FLII: variants seen among roughly 807,000 people sequenced by gnomAD.
FLII encodes the protein FLII actin remodeling protein, also known as protein flightless-1 homolog.
A neutral mutation model predicts 156.2 loss-of-function variants in FLII; 101 were observed. That is an observed-to-expected ratio of 0.65 (90% CI 0.55 to 0.76). The LOEUF is 0.76. Among genes scored for constraint, FLII ranks in the 30% least tolerant of loss-of-function variants. FLII has a pLI of 0.00. For synonymous variants in FLII, 767 were observed against 685.8 expected, an observed-to-expected ratio of 1.12 and a Z score of -1.85; for missense variants, 1,675 against 1,682.8, an observed-to-expected ratio of 1.00 and a Z score of 0.08.
intron 7 of FLII, 74 bp from the exon 8 acceptor site, chr17:18,253,793 C>G (rs2048338392): frequency 1.4e-6 from 2 of 1,388,770 alleles, no homozygotes; most frequent in Non-Finnish European, 1.9e-6. Flanking sequence ...TAGTGTGAAC[C>G]CCAGCTCTGC....
chr17:18,248,157 T>A (rs1376541228), intron 18 of FLII, 124 bp from the exon 19 acceptor site: 1 of 651,814 alleles, frequency 1.5e-6, no homozygotes, highest in African/African-American at 1.8e-5. Flanking sequence ...TGTTTCCCCC[T>A]CCCCTTCAAG....
rs115575382 is a variant in FLII, at chr17:18,258,494, C to T, written c.63+134G>A. The T allele has an allele frequency of 4.6e-3, 6,939 of 1,503,702 alleles. 292 individuals are homozygous for T. The African/African-American group carries it at 0.088, about 19-fold the overall frequency. 93.1% of individuals were successfully genotyped at this position (1,503,702 alleles called of 1,614,324 possible). A position where few individuals can be genotyped will look rare whatever the true frequency, so the allele number is the denominator to read the frequency against. On this transcript the variant is annotated intron_variant, in intron 1 of 29. Coordinates refer to ENST00000327031, the MANE Select transcript of FLII (RefSeq NM_002018.4). This position sits in a 1 kb window ranked among gnomAD's most constrained non-coding sequence, Gnocchi z 4.2. Reference sequence around the variant, plus strand: ...AGGTCCATTCCTGGCCAGGGGAGAGCCCCACCCCGCCCCGGCCGCAGTCCC... The same window carrying T: ...AGGTCCATTCCTGGCCAGGGGAGAGTCCCACCCCGCCCCGGCCGCAGTCCC...
intron 9 of FLII, 100 bp downstream of exon 9, chr17:18,253,201 A>G: frequency 1.6e-6 from 2 of 1,230,432 alleles, no homozygotes; most frequent in Non-Finnish European, 2.3e-6. Context: ...ACCCATCTTC[A>G]TTTTGTCTGA....
chr17:18,246,115 C>A, intron 25 of FLII, 47 bp downstream of exon 25: 2 of 1,614,116 alleles, frequency 1.2e-6, no homozygotes, highest in Non-Finnish European at 8.5e-7. Flanking sequence ...CCCCCAAACA[C>A]CCCACCCCTT....
At position 18,254,124 on chromosome 17, in the gene FLII, G is replaced by A. The variant is rs2048347887; in HGVS notation, c.634C>T (p.Gln212Ter). The change falls in exon 7 of 30, where the codon CAG becomes TAG. Residue 212 changes from glutamine (Q) to a stop codon, truncating the protein, a stop_gained. Transcript: ENST00000327031. LOFTEE classifies it high-confidence loss of function. ...TCCAGGCTGGTGGGCAGGTTGCTCT[G>A]GGTGCGCTGGGTGCTCCGCAGGTGC... ...TLHLRSTQRTQSNLPTSLEGL... is the reference protein window; with the variant it reads ...TLHLRSTQRT The A allele has an allele frequency of 6.2e-7, 1 of 1,611,748 alleles. No individual in the cohort carries two copies. The highest frequency in any genetic ancestry group is 8.5e-7 in the Non-Finnish European group (1 of 1,178,914).
At position 18,253,604 on chromosome 17, in the gene FLII, T is replaced by C. The variant is rs2048332069; in HGVS notation, c.795A>G (p.Ile265Met). 2.5e-6 allele frequency: 4 copies of C among 1,614,102 alleles called. No homozygotes were observed. The highest frequency in any genetic ancestry group is 1.3e-5 in the African/African-American group (1 of 75,048). ...GAGTTTCCACGTGCACCCACTGGTCTATGCACAGGGACAGCTCCGTGATCT... is the reference window on the plus strand; with the variant it reads ...GAGTTTCCACGTGCACCCACTGGTCCATGCACAGGGACAGCTCCGTGATCT... ...SNQITELSLC[I>M]DQWVHVETLN... is the part of the protein sequence containing the mutation. Residue 265 changes from isoleucine (I) to methionine (M), a missense_variant, in exon 8 of 30, where the codon ATA (isoleucine) becomes ATG (methionine). Coordinates refer to ENST00000327031, the MANE Select transcript of FLII (RefSeq NM_002018.4).
At chr17:18,250,815 C>A in intron 14 of FLII, 23 bp downstream of exon 14, 1 of 1,598,398 alleles carries the variant, frequency 6.3e-7, no homozygotes, top group Non-Finnish European at 8.6e-7. Flanking sequence ...CTCTGCCCAC[C>A]CCCAATTTTA....
At chr17:18,248,105 T>A in intron 18 of FLII, 72 bp from the exon 19 acceptor site, 1 of 1,071,932 alleles carries the variant, frequency 9.3e-7, no homozygotes, top group Non-Finnish European at 1.4e-6. Context: ...CCCTCTGCTC[T>A]GGAACCAGCC....
At chr17:18,247,392 G>A (rs979481236) in intron 20 of FLII, 35 bp from the exon 21 acceptor site, 9 of 1,560,258 alleles carry the variant, frequency 5.8e-6, no homozygotes, top group Non-Finnish European at 7.0e-6. Context: ...CATGAGGGGT[G>A]CGGCATGATT....
At position 18,246,413 on chromosome 17, in the gene FLII, A is replaced by G. The variant is rs2048055848; in HGVS notation, c.3101T>C (p.Phe1034Ser). 1.2e-6 allele frequency: 2 copies of G among 1,614,010 alleles called. No homozygotes were observed. Among genetic ancestry groups the G allele is most frequent in the African/African-American group, 2.7e-5 (2 of 75,008 alleles). Residue 1034 changes from phenylalanine (F) to serine (S), a missense_variant, in exon 24 of 30, where the codon TTC (phenylalanine) becomes TCC (serine). Coordinates refer to ENST00000327031, the MANE Select transcript of FLII (RefSeq NM_002018.4). Reference sequence around the variant, plus strand: ...CCGGTGGATGATGAACTTCCTCTTGAAATGGGACAGGAACTTGGGGTTCTC... The same window carrying G: ...CCGGTGGATGATGAACTTCCTCTTGGAATGGGACAGGAACTTGGGGTTCTC... ...QQENPKFLSH[F>S]KRKFIIHRGK...
rs1357113488 is a variant in FLII, at chr17:18,250,952, TG to T, written c.1661del (p.Thr554AsnfsTer101). ...TGGCAGAGCAAGCTTTCTTGTCGAG[TG>T]TGGCCTCCCCGCCAATCCAGTAGTA... ...EIYYWIGGEA[T>X]LDKKACSAIH... On this transcript the variant is annotated frameshift_variant, in exon 14 of 30. Transcript: ENST00000327031. LOFTEE classifies it high-confidence loss of function. 6.2e-7 allele frequency: 1 copy of T among 1,613,704 alleles called. No individual in the cohort carries two copies. The highest frequency in any genetic ancestry group is 1.7e-5 in the Admixed American group (1 of 60,006).
chr17:18,245,906 GTGCCCGCC>G lies in FLII; in HGVS notation c.3396+20_3396+27del, dbSNP rs201849922. 1,162 of 1,613,996 alleles carry G rather than the reference GTGCCCGCC, an allele frequency of 7.2e-4. 7 individuals are homozygous for G. In the East Asian group the frequency reaches 0.013, roughly 17 times the overall value. ...CCTGCCTGCCCTGGCTCCTCTGTGTGTGCCCGCCTGCCCGCCCGCCTCCTGACCTGCTT... is the reference window on the plus strand; with the variant it reads ...CCTGCCTGCCCTGGCTCCTCTGTGTGTGCCCGCCCGCCTCCTGACCTGCTT... On this transcript the variant is annotated intron_variant, in intron 26 of 29. Coordinates refer to ENST00000327031, the MANE Select transcript of FLII (RefSeq NM_002018.4).
At position 18,246,182 on chromosome 17, in the gene FLII, C is replaced by T. The variant is rs758844825; in HGVS notation, c.3247G>A (p.Glu1083Lys). Reference sequence around the variant, plus strand: ...CCCACCTTGAGGATGAAGCAGAACTCGGAGTTGAGGAGGCTGGAGTCGGTG... The same window carrying T: ...CCCACCTTGAGGATGAAGCAGAACTTGGAGTTGAGGAGGCTGGAGTCGGTG... ...INTDSSLLNSEFCFILKVPFE... is the reference protein window; with the variant it reads ...INTDSSLLNSKFCFILKVPFE... Residue 1083 changes from glutamate (E) to lysine (K), a missense_variant, in exon 25 of 30, where the codon GAG becomes AAG. This residue lies in a region of FLII where 1,332 missense variants were observed against 1,269.3 expected (regional missense o/e 1.05). Transcript: ENST00000327031. The T allele has an allele frequency of 3.7e-6, 6 of 1,614,128 alleles. No homozygotes were observed. Among genetic ancestry groups the T allele is most frequent in the Admixed American group, 1.7e-5 (1 of 60,014 alleles).
chr17:18,256,878 G>C (rs757308504), intron 2 of FLII, 31 bp downstream of exon 2: 56 of 1,467,474 alleles, frequency 3.8e-5, no homozygotes, highest in Non-Finnish European at 5.3e-5. Context: ...CATCCACAGG[G>C]ACCCTCCCCT....
rs750583366 is a variant in FLII, at chr17:18,251,994, C to T, written c.1246+5G>A. The T allele has an allele frequency of 1.2e-6, 2 of 1,612,500 alleles. No homozygotes were observed. The highest frequency in any genetic ancestry group is 3.3e-5 in the Admixed American group (2 of 60,018). ...CGTTCCCAGGCCAGACCTTTCCCCACTCACCAGCTGCAGCTGCAGCCACGG... is the reference window on the plus strand; with the variant it reads ...CGTTCCCAGGCCAGACCTTTCCCCATTCACCAGCTGCAGCTGCAGCCACGG... On this transcript the variant is annotated splice_donor_5th_base_variant and intron_variant, in intron 11 of 29. Coordinates refer to ENST00000327031, the MANE Select transcript of FLII (RefSeq NM_002018.4).
In FLII at chr17:18,246,295, C is replaced by T; in HGVS notation, c.3206+13G>A. 6.2e-7 allele frequency: 1 copy of T among 1,613,950 alleles called. No homozygotes were observed. Among genetic ancestry groups the T allele is most frequent in the East Asian group, 2.2e-5 (1 of 44,876 alleles). On this transcript the variant is annotated intron_variant, in intron 24 of 29. Coordinates refer to ENST00000327031, the MANE Select transcript of FLII (RefSeq NM_002018.4). ...ACGCTTGCTCGCCACTGCGTCCTCCCCCAGCCAGGCACCGGGTGCAGAGGG... is the reference window on the plus strand; with the variant it reads ...ACGCTTGCTCGCCACTGCGTCCTCCTCCAGCCAGGCACCGGGTGCAGAGGG...
intron 18 of FLII, among the ~76,000 whole-genome samples, 155 bp downstream of exon 18, chr17:18,248,395 A>T (rs2048155050): frequency 6.6e-6 from 1 of 152,158 alleles, no homozygotes; most frequent in African/African-American, 2.4e-5. Flanking sequence ...CAGCCTCCAG[A>T]CCTTTGCTCA....
chr17:18,246,861 G>C (rs759740008), intron 22 of FLII, 33 bp from the exon 23 acceptor site: 1 of 1,613,712 alleles, frequency 6.2e-7, no homozygotes. Flanking sequence ...GCAGGGGCTC[G>C]AGCCCCCAGC....
Position 18,252,066 on chromosome 17 carries a change from G to C in FLII, c.1179C>G (p.Asp393Glu). Reference sequence around the variant, plus strand: ...GCCGCAGCTGGTTCTGCAGCGAGAAGTCGATGTTGTACCACTCAGCGGCAC... The same window carrying C: ...GCCGCAGCTGGTTCTGCAGCGAGAACTCGATGTTGTACCACTCAGCGGCAC... ...ADRAAEWYNI[D>E]FSLQNQLRLA... Residue 393 changes from aspartate to glutamate, a missense_variant, in exon 11 of 30, where the codon GAC (aspartate) becomes GAG (glutamate). By Grantham distance (45) the Asp-to-Glu change is conservative (BLOSUM62 2). Coordinates refer to ENST00000327031, the MANE Select transcript of FLII (RefSeq NM_002018.4). 2.5e-6 allele frequency: 4 copies of C among 1,613,412 alleles called. No individual in the cohort carries two copies. The highest frequency in any genetic ancestry group is 3.4e-6 in the Non-Finnish European group (4 of 1,180,048).
Sources: gnomAD v4.1 joint callset for allele counts (sites outside exome capture counted in the v4.1 genomes callset) on GRCh38, gnomAD v4.1.1 for gene constraint, gnomAD v4.1.1 regional missense constraint, Gnocchi (gnomAD v3.1) non-coding constraint, MANE v1.5 for transcripts, NCBI Gene and HGNC (gene_info 2026-07-23, HGNC 2026-07-21) for gene names.